Variants in GPR4 observed in about 807,000 individuals in gnomAD.
The protein encoded by GPR4 is G protein-coupled receptor 4.
In GPR4, 11 loss-of-function variants were observed where a neutral mutation model predicts 17.8. The observed-to-expected ratio is 0.62, with a 90% confidence interval of 0.39 to 1.02. The LOEUF (loss-of-function observed/expected upper bound fraction) is 1.02, where lower values mean the gene tolerates loss of function less well. GPR4 is among the 50% of genes least tolerant of loss of function. GPR4 has a pLI of 0.00. For missense variants in GPR4, 364 were observed against 495.4 expected (o/e 0.73, Z 2.52); for synonymous variants, 219 against 222.8 (o/e 0.98, Z 0.15).
chr19:45,590,593 A>G lies in GPR4; in HGVS notation c.*185T>C, dbSNP rs1039286838. ...TTCAGGAGGCCCTCCACAATCGCCA[A>G]ACTGTGATGGGATCTGGGAGCACAA... On this transcript the variant is annotated 3_prime_UTR_variant, in exon 2 of 2. Transcript: ENST00000323040. The G allele has an allele frequency of 1.5e-6, 1 of 659,852 alleles. No homozygotes were observed. Among genetic ancestry groups the G allele is most frequent in the Non-Finnish European group, 2.4e-6 (1 of 417,970 alleles). 40.9% of individuals were successfully genotyped at this position (659,852 alleles called of 1,614,324 possible). A position where few individuals can be genotyped will look rare whatever the true frequency, so the allele number is the denominator to read the frequency against.
chr19:45,591,179 T>G lies in GPR4; in HGVS notation c.688A>C (p.Ile230Leu), dbSNP rs1352373705. 2 of 1,613,320 alleles carry G rather than the reference T, an allele frequency of 1.2e-6. No individual in the cohort carries two copies. Among genetic ancestry groups the G allele is most frequent in the Non-Finnish European group, 1.7e-6 (2 of 1,179,996 alleles). The stretch of plus-strand genomic sequence containing the variant: ...GCAAAGCAGACCAGCACGATGGCGA[T>G]GAGGCTGAGGGCCAGCCGCTTGATC... ...AKIKRLALSLIAIVLVCFAPY... is the reference protein window; with the variant it reads ...AKIKRLALSLLAIVLVCFAPY... Residue 230 changes from isoleucine (I) to leucine (L), a missense_variant, in exon 2 of 2, where the codon ATC (isoleucine) becomes CTC (leucine). Around this residue, in one of 3 missense-constraint regions of GPR4, gnomAD observed 271 missense variants for 373.1 expected, o/e 0.73. Transcript: ENST00000323040. This position sits in a 1 kb window ranked among gnomAD's most constrained non-coding sequence, Gnocchi z 7.6.
intron 1 of GPR4, among the ~76,000 whole-genome samples, chr19:45,598,512 C>T (rs1368531441): frequency 6.6e-6 from 1 of 152,124 alleles, no homozygotes; most frequent in Non-Finnish European, 1.5e-5. Flanking sequence ...TCCTCCCTCC[C>T]ACCCCTCCTC....
At chr19:45,594,566 T>A (rs1970038404) in intron 1 of GPR4, among the ~76,000 whole-genome samples, 1 of 152,202 alleles carries the variant, frequency 6.6e-6, no homozygotes, top group Admixed American at 6.5e-5. Flanking sequence ...GTAGTTGTTC[T>A]TTCTCTTTGA....
Position 45,591,285 on chromosome 19 carries a change from C to T in GPR4, c.582G>A (p.Trp194Ter). ...YRVFVGFLFP[W>*]ALMLLSYRGI... ...CCCGGTACGACAGCAGCATGAGCGC[C>T]CACGGGAAGAGGAAGCCCACGAACA... Residue 194 changes from tryptophan to a stop codon, truncating the protein, a stop_gained, in exon 2 of 2, where the codon TGG (tryptophan) becomes TGA (stop). Coordinates refer to ENST00000323040, the MANE Select transcript of GPR4 (RefSeq NM_005282.3). LOFTEE classifies it high-confidence loss of function. The surrounding 1 kb of genome is among the most constrained non-coding windows in gnomAD (Gnocchi z 7.6). 6 of 1,612,926 alleles carry T rather than the reference C, an allele frequency of 3.7e-6. No individual in the cohort carries two copies. The highest frequency in any genetic ancestry group is 5.1e-6 in the Non-Finnish European group (6 of 1,179,838).
intron 1 of GPR4, among the ~76,000 whole-genome samples, chr19:45,595,122 C>A (rs1317274532): frequency 1.3e-5 from 2 of 151,364 alleles, no homozygotes; most frequent in East Asian, 3.9e-4. Flanking sequence ...ACTAAAAATA[C>A]AAAATAAGCT....
Position 45,601,793 on chromosome 19 carries a change from CAG to C in GPR4, c.-832+300_-832+301del, listed in dbSNP as rs538729091. On this transcript the variant is annotated intron_variant, in intron 1 of 1. Transcript: ENST00000323040. The stretch of plus-strand genomic sequence containing the variant: ...GGCAGAGGGAGGTGGGACCCAGAAA[CAG>C]AGAGACAGAGACAGACAGACGGAGA... Among the ~76,000 whole-genome samples the C allele has an allele frequency of 1.7e-3, 265 of 151,806 alleles. 1 individual carries two copies. The highest frequency in any genetic ancestry group is 6.7e-3 in the South Asian group (32 of 4,776).
At position 45,592,229 on chromosome 19, in the gene GPR4, G is replaced by A. The variant is rs1167181055; in HGVS notation, c.-363C>T. 8.8e-6 allele frequency: 2 copies of A among 227,360 alleles called. No homozygotes were observed. The highest frequency in any genetic ancestry group is 1.0e-4 in the East Asian group (1 of 9,826). The allele number at this position is 227,360 out of a possible 1,614,324, so 14.1% of individuals were successfully genotyped here. The stretch of plus-strand genomic sequence containing the variant: ...TGTTTATGGAGGAGACGAAAGCATC[G>A]CTGGGCAATGGTGAGAAGGAGATGG... On this transcript the variant is annotated 5_prime_UTR_variant, in exon 2 of 2. The change creates a premature stop within an existing upstream ORF in the 5' untranslated region. Transcript: ENST00000323040.
Position 45,591,225 on chromosome 19 carries a change from G to C in GPR4, c.642C>G (p.Thr214=). ...ILRAVRGSVS[T]ERQEKAKIKR... ...TGATCTTGGCCTTCTCCTGGCGCTC[G>C]GTGGACACGCTGCCCCGCACGGCCC... is the stretch of plus-strand genomic sequence containing the variant. The change falls in exon 2 of 2, where the codon ACC becomes ACG. Residue 214 remains threonine, a synonymous_variant. Coordinates refer to ENST00000323040, the MANE Select transcript of GPR4 (RefSeq NM_005282.3). The surrounding 1 kb of genome is among the most constrained non-coding windows in gnomAD (Gnocchi z 7.6). The C allele has an allele frequency of 6.2e-7, 1 of 1,613,432 alleles. No individual in the cohort carries two copies. Among genetic ancestry groups the C allele is most frequent in the Non-Finnish European group, 8.5e-7 (1 of 1,179,964 alleles).
chr19:45,592,102 A>G lies in GPR4; in HGVS notation c.-236T>C. The G allele has an allele frequency of 2.1e-6, 1 of 480,972 alleles. No homozygotes were observed. Among genetic ancestry groups the G allele is most frequent in the Non-Finnish European group, 3.8e-6 (1 of 263,414 alleles). 29.8% of individuals were successfully genotyped at this position (480,972 alleles called of 1,614,324 possible). A position where few individuals can be genotyped will look rare whatever the true frequency, so the allele number is the denominator to read the frequency against. ...GAATTATGACAGGAGGGAAGTCTGG[A>G]GGATGGTGAGATTAATAAAGAGGTT... On this transcript the variant is annotated 5_prime_UTR_variant, in exon 2 of 2. Transcript: ENST00000323040.
chr19:45,590,494 T>A lies in GPR4; in HGVS notation c.*284A>T, dbSNP rs1969977757. The A allele has an allele frequency of 2.8e-6, 1 of 353,286 alleles. No individual in the cohort carries two copies. Among genetic ancestry groups the A allele is most frequent in the Non-Finnish European group, 5.1e-6 (1 of 195,018 alleles). The allele number at this position is 353,286 out of a possible 1,614,324, so 21.9% of individuals were successfully genotyped here. A position where few individuals can be genotyped will look rare whatever the true frequency, so the allele number is the denominator to read the frequency against. On this transcript the variant is annotated 3_prime_UTR_variant, in exon 2 of 2. Coordinates refer to ENST00000323040, the MANE Select transcript of GPR4 (RefSeq NM_005282.3). Reference sequence around the variant, plus strand: ...GGTGGAGGCTGCAGTGAGCCACGACTGCACTACTGCACTCCAGCCTGGGCA... The same window carrying A: ...GGTGGAGGCTGCAGTGAGCCACGACAGCACTACTGCACTCCAGCCTGGGCA...
chr19:45,591,482 G>A lies in GPR4; in HGVS notation c.385C>T (p.Arg129Cys). ...VAHPLRFARLRRVKTAVAVSS... is the reference protein window; with the variant it reads ...VAHPLRFARLCRVKTAVAVSS... ...ACGGCCACGGCGGTCTTGACGCGGCGCAGGCGGGCGAAGCGGAGTGGGTGG... is the reference window on the plus strand; with the variant it reads ...ACGGCCACGGCGGTCTTGACGCGGCACAGGCGGGCGAAGCGGAGTGGGTGG... The change falls in exon 2 of 2, where the codon CGC becomes TGC. Residue 129 changes from arginine to cysteine, a missense_variant. Arg to Cys is a radical substitution (Grantham distance 180, BLOSUM62 -3). Around this residue, in one of 3 missense-constraint regions of GPR4, gnomAD observed 271 missense variants for 373.1 expected, o/e 0.73. Coordinates refer to ENST00000323040, the MANE Select transcript of GPR4 (RefSeq NM_005282.3). The surrounding 1 kb of genome is among the most constrained non-coding windows in gnomAD (Gnocchi z 7.6). 6.2e-7 allele frequency: 1 copy of A among 1,608,892 alleles called. No individual in the cohort carries two copies. Among genetic ancestry groups the A allele is most frequent in the Non-Finnish European group, 8.5e-7 (1 of 1,177,812 alleles).
intron 1 of GPR4, among the ~76,000 whole-genome samples, chr19:45,597,528 G>T (rs1970069949): frequency 6.6e-6 from 1 of 152,164 alleles, no homozygotes. Flanking sequence ...CAGAGACTTT[G>T]TGTGCCTTGT....
rs1970001389 is a variant in GPR4, at chr19:45,591,888, G to A, written c.-22C>T. On this transcript the variant is annotated 5_prime_UTR_variant, in exon 2 of 2. Transcript: ENST00000323040. This position sits in a 1 kb window ranked among gnomAD's most constrained non-coding sequence, Gnocchi z 7.6. Reference sequence around the variant, plus strand: ...CCATGGTGGGCACTTCGGCTTCTGGGGCGCTTCCCCTGGCCCACGGGGGCT... The same window carrying A: ...CCATGGTGGGCACTTCGGCTTCTGGAGCGCTTCCCCTGGCCCACGGGGGCT... 2.0e-6 allele frequency: 3 copies of A among 1,536,334 alleles called. No homozygotes were observed. In the African/African-American group the frequency reaches 4.1e-5, roughly 21 times the overall value.
intron 1 of GPR4, among the ~76,000 whole-genome samples, chr19:45,598,727 G>T (rs1396143099): frequency 1.3e-5 from 2 of 152,188 alleles, no homozygotes; most frequent in Non-Finnish European, 2.9e-5. Context: ...TCCTGGTACA[G>T]ATGGGGAAAC....
chr19:45,601,458 G>T (rs1970111258), intron 1 of GPR4, among the ~76,000 whole-genome samples: 1 of 152,118 alleles, frequency 6.6e-6, no homozygotes, highest in African/African-American at 2.4e-5. Flanking sequence ...CGTGAAGGGG[G>T]CGCTGGGATC....
chr19:45,593,667 T>C (rs1472747255), intron 1 of GPR4, among the ~76,000 whole-genome samples: 2 of 151,900 alleles, frequency 1.3e-5, no homozygotes, highest in African/African-American at 4.8e-5. Flanking sequence ...TCTAACTCTA[T>C]CATGTCACAG....
At chr19:45,594,062 AAAT>A (rs1240700403) in intron 1 of GPR4, among the ~76,000 whole-genome samples, 185 of 38,562 alleles carry the variant, frequency 4.8e-3, no homozygotes, top group Middle Eastern at 0.015. Flanking sequence ...AAAAAAAAAA[AAAT>A]ATATATATAT....
Position 45,590,857 on chromosome 19 carries a change from G to A in GPR4, c.1010C>T (p.Ala337Val). The A allele has an allele frequency of 6.2e-7, 1 of 1,613,776 alleles. No homozygotes were observed. Among genetic ancestry groups the A allele is most frequent in the Non-Finnish European group, 8.5e-7 (1 of 1,179,794 alleles). The change falls in exon 2 of 2, where the codon GCC becomes GTC. Residue 337 changes from alanine to valine, a missense_variant. By Grantham distance (64) the Ala-to-Val change is moderately conservative. Coordinates refer to ENST00000323040, the MANE Select transcript of GPR4 (RefSeq NM_005282.3). Reference sequence around the variant, plus strand: ...AGTGGCCGCCCAGCTGCCAGTCATGGCTTTGGCTGTGCTGTTCCTCTTGGA... The same window carrying A: ...AGTGGCCGCCCAGCTGCCAGTCATGACTTTGGCTGTGCTGTTCCTCTTGGA... ...LTSKRNSTAKAMTGSWAATPP... is the reference protein window; with the variant it reads ...LTSKRNSTAKVMTGSWAATPP...
At chr19:45,593,157 C>G (rs920029700) in intron 1 of GPR4, among the ~76,000 whole-genome samples, 1 of 145,536 alleles carries the variant, frequency 6.9e-6, no homozygotes, top group Admixed American at 7.0e-5. Flanking sequence ...ATAATCACAC[C>G]ACGGCACTCC....
Sources: gnomAD v4.1 joint callset for allele counts (sites outside exome capture counted in the v4.1 genomes callset) on GRCh38, gnomAD v4.1.1 for gene constraint, gnomAD v4.1.1 regional missense constraint, Gnocchi (gnomAD v3.1) non-coding constraint, MANE v1.5 for transcripts, NCBI Gene and HGNC (gene_info 2026-07-23, HGNC 2026-07-21) for gene names.